The following PPP4R4 variants were observed in gnomAD, a reference collection of about 807,000 sequenced individuals.
PPP4R4 encodes the protein protein phosphatase 4 regulatory subunit 4.
Under a neutral mutation model 121.8 loss-of-function variants are expected in PPP4R4, and 70 were observed. The observed-to-expected ratio is 0.57, with a 90% confidence interval of 0.47 to 0.70. The LOEUF is 0.70. PPP4R4 is among the 30% of genes least tolerant of loss of function. PPP4R4 has a pLI of 0.00. For missense variants in PPP4R4, 875 were observed against 1,033.6 expected (o/e 0.85, Z 2.10); for synonymous variants, 348 against 355.7 (o/e 0.98, Z 0.24).
chr14:94,227,376 C>A (rs781160089), intron 3 of PPP4R4: 2 of 1,610,286 alleles, frequency 1.2e-6, no homozygotes, highest in South Asian at 1.1e-5. Context: ...AGAACACTTA[C>A]TGGTAAGTAT....
chr14:94,246,583 G>T, intron 14 of PPP4R4, 44 bp downstream of exon 14: 8 of 1,528,748 alleles, frequency 5.2e-6, no homozygotes, highest in Non-Finnish European at 7.1e-6. Context: ...ACTCATGGTT[G>T]GTTCTGGAAT....
At position 94,260,548 on chromosome 14, in the gene PPP4R4, AT is replaced by A. The variant is rs113985524; in HGVS notation, c.2127+1189del. Among the ~76,000 whole-genome samples the A allele has an allele frequency of 8.2e-3, 1,223 of 148,992 alleles. 17 individuals carry two copies. The highest frequency in any genetic ancestry group is 0.028 in the African/African-American group (1,150 of 40,718). On this transcript the variant is annotated intron_variant, in intron 19 of 24. Transcript: ENST00000304338. ...ACTATTGGGTATGTAATGGTATCTC[AT>A]TTTTTTTTTAATCTCTTTTTCTATT...
chr14:94,259,393 A>G, intron 19 of PPP4R4, 24 bp downstream of exon 19: 1 of 1,556,838 alleles, frequency 6.4e-7, no homozygotes, highest in Non-Finnish European at 8.7e-7. Flanking sequence ...ACATGCACAC[A>G]CATATACTCT....
chr14:94,206,036 GT>G (rs1890441983), intron 2 of PPP4R4, among the ~76,000 whole-genome samples: 1 of 151,904 alleles, frequency 6.6e-6, no homozygotes, highest in Admixed American at 6.6e-5. Context: ...TCCCTGTGTA[GT>G]TCTGTCAGTT....
intron 24 of PPP4R4, among the ~76,000 whole-genome samples, chr14:94,277,466 C>G (rs1894707761): frequency 6.6e-6 from 1 of 152,198 alleles, no homozygotes; most frequent in South Asian, 2.1e-4. Flanking sequence ...ATGGTTCCTC[C>G]TCCTCTAAGG....
At chr14:94,174,605 G>T (rs368635011) in intron 1 of PPP4R4, 23 bp downstream of exon 1, 357 of 1,606,480 alleles carry the variant, frequency 2.2e-4, no homozygotes, top group Non-Finnish European at 2.9e-4. Context: ...GAGAGGACCT[G>T]CCCTCACGGC....
chr14:94,209,208 A>G (rs1452123524), intron 3 of PPP4R4, among the ~76,000 whole-genome samples: 1 of 152,046 alleles, frequency 6.6e-6, no homozygotes, highest in Admixed American at 6.6e-5. Context: ...TTTCTTTATA[A>G]GAACTTGAAT....
At chr14:94,269,427 G>T (rs959158568) in intron 23 of PPP4R4, among the ~76,000 whole-genome samples, 15 of 152,060 alleles carry the variant, frequency 9.9e-5, no homozygotes, top group Non-Finnish European at 1.9e-4. Context: ...TGCAATCCCA[G>T]CACCTTGGGA....
chr14:94,277,440 A>G (rs1043474969), intron 24 of PPP4R4, among the ~76,000 whole-genome samples: 1 of 152,206 alleles, frequency 6.6e-6, no homozygotes, highest in African/African-American at 2.4e-5. Context: ...TGTCTGTCAC[A>G]TGACAGGGCT....
chr14:94,233,287 A>T (rs537597978), intron 5 of PPP4R4, among the ~76,000 whole-genome samples: 6 of 152,240 alleles, frequency 3.9e-5, no homozygotes, highest in Admixed American at 6.5e-5. Flanking sequence ...TAGGATACAT[A>T]TAAAAATTAA....
intron 1 of PPP4R4, 95 bp from the exon 2 acceptor site, chr14:94,175,959 T>C (rs754145673): frequency 1.8e-4 from 169 of 944,718 alleles, no homozygotes; most frequent in Non-Finnish European, 2.8e-4. Flanking sequence ...TGAAACTTTT[T>C]CATTCGTTTA....
rs768602251 is a variant in PPP4R4, at chr14:94,256,481, G to C, written c.1887G>C (p.Leu629Phe). Residue 629 changes from leucine (L) to phenylalanine (F), a missense_variant, in exon 17 of 25, where the codon TTG (leucine) becomes TTC (phenylalanine). By Grantham distance (22) the Leu-to-Phe change is conservative. Coordinates refer to ENST00000304338, the MANE Select transcript of PPP4R4 (RefSeq NM_058237.2). Reference protein sequence around the residue: ...ANVRMKLCYLLPKVKSTLKIP... With the variant: ...ANVRMKLCYLFPKVKSTLKIP... ...GTAGAATGAAACTTTGCTACCTGTT[G>C]CCCAAAGTGAAATCTACTCTGAAGA... 1 of 1,598,290 alleles carries C rather than the reference G, an allele frequency of 6.3e-7. No individual in the cohort carries two copies. Among genetic ancestry groups the C allele is most frequent in the Non-Finnish European group, 8.6e-7 (1 of 1,168,354 alleles).
chr14:94,231,309 G>C lies in PPP4R4; in HGVS notation c.510G>C (p.Arg170=). The part of the protein sequence containing the change: ...VIEVLPKETL[R]HEILNPLVSK... ...AAGTATTGCCAAAAGAAACCCTACGGCATGAGGTAATACTTTCATGGGGGC... is the reference window on the plus strand; with the variant it reads ...AAGTATTGCCAAAAGAAACCCTACGCCATGAGGTAATACTTTCATGGGGGC... The change falls in exon 5 of 25, where the codon CGG becomes CGC. Residue 170 remains arginine, a synonymous_variant. Coordinates refer to ENST00000304338, the MANE Select transcript of PPP4R4 (RefSeq NM_058237.2). The C allele has an allele frequency of 6.2e-7, 1 of 1,607,878 alleles. No homozygotes were observed. The highest frequency in any genetic ancestry group is 8.5e-7 in the Non-Finnish European group (1 of 1,174,894).
At chr14:94,225,357 G>T (rs945655662) in intron 3 of PPP4R4, among the ~76,000 whole-genome samples, 7 of 152,172 alleles carry the variant, frequency 4.6e-5, no homozygotes, top group African/African-American at 2.4e-5. Flanking sequence ...TGGGCCTGGG[G>T]GTGTTTGCTG....
intron 17 of PPP4R4, among the ~76,000 whole-genome samples, chr14:94,258,542 G>T (rs1178524244): frequency 6.6e-6 from 1 of 152,156 alleles, no homozygotes; most frequent in East Asian, 1.9e-4. Flanking sequence ...AAATATGCCT[G>T]TAGACTTGGT....
At chr14:94,175,947 T>G in intron 1 of PPP4R4, 107 bp from the exon 2 acceptor site, 2 of 866,096 alleles carry the variant, frequency 2.3e-6, no homozygotes, top group South Asian at 2.8e-5. Flanking sequence ...AATGCTTAAT[T>G]GTGAAACTTT....
At chr14:94,190,560 C>T (rs1889538329) in intron 2 of PPP4R4, among the ~76,000 whole-genome samples, 1 of 152,098 alleles carries the variant, frequency 6.6e-6, no homozygotes, top group African/African-American at 2.4e-5. Context: ...AAGATTGTGT[C>T]ATTGCACTTA....
At chr14:94,259,552 C>A (rs545222891) in intron 19 of PPP4R4, among the ~76,000 whole-genome samples, 183 bp downstream of exon 19, 26 of 152,136 alleles carry the variant, frequency 1.7e-4, no homozygotes, top group African/African-American at 5.8e-4. Context: ...TATTTGAGAG[C>A]CTTTTAAAAA....
chr14:94,273,626 CATGTCAATGTGGGTTCATCAATGCAACAA>C (rs1433682817), intron 23 of PPP4R4, among the ~76,000 whole-genome samples: 1 of 152,074 alleles, frequency 6.6e-6, no homozygotes, highest in Non-Finnish European at 1.5e-5. Context: ...GTGATAATGA[CATGTCAATGTGGGTTCATCAATGCAACAA>C]ATGTACCACT....
Sources: gnomAD v4.1 joint callset for allele counts (sites outside exome capture counted in the v4.1 genomes callset) on GRCh38, gnomAD v4.1.1 for gene constraint, MANE v1.5 for transcripts, NCBI Gene and HGNC (gene_info 2026-07-23, HGNC 2026-07-21) for gene names.